Variants in HECTD4 observed in about 807,000 individuals in gnomAD.
HECTD4 encodes HECT domain E3 ubiquitin protein ligase 4.
In HECTD4, 114 loss-of-function variants were observed where a neutral mutation model predicts 471.5. The observed-to-expected ratio is 0.24, with a 90% CI of 0.21 to 0.28. The LOEUF (loss-of-function observed/expected upper bound fraction) is 0.28. Among genes scored for constraint, HECTD4 ranks in the 10% least tolerant of loss-of-function variants. The probability of loss-of-function intolerance (pLI) is 1.00; values close to 1 mark genes in which losing one functional copy is unlikely to be tolerated. For synonymous variants in HECTD4, 2,012 were observed against 2,256.0 expected, an observed-to-expected ratio of 0.89 and a Z score of 3.07; for missense variants, 3,866 against 5,651.5, an observed-to-expected ratio of 0.68 and a Z score of 10.13.
chr12:112,363,205 T>C (rs2036490540), intron 1 of HECTD4, among the ~76,000 whole-genome samples: 1 of 152,104 alleles, frequency 6.6e-6, no homozygotes, highest in Non-Finnish European at 1.5e-5. Flanking sequence ...ATATATAACA[T>C]GTAATATGTA....
At chr12:112,209,469 G>A (rs2032697637) in intron 50 of HECTD4, among the ~76,000 whole-genome samples, 1 of 152,006 alleles carries the variant, frequency 6.6e-6, no homozygotes, top group Non-Finnish European at 1.5e-5. Context: ...GGGGATTACA[G>A]GCACACGCCA....
At chr12:112,215,341 CTCAATT>C (rs894955579) in intron 48 of HECTD4, among the ~76,000 whole-genome samples, 1 of 152,168 alleles carries the variant, frequency 6.6e-6, no homozygotes, top group African/African-American at 2.4e-5. Context: ...TACTATGTAT[CTCAATT>C]TAAGTTCTAT....
At chr12:112,197,988 A>AC (rs1380575797) in intron 55 of HECTD4, among the ~76,000 whole-genome samples, 2 of 152,080 alleles carry the variant, frequency 1.3e-5, no homozygotes, top group Admixed American at 6.5e-5. Context: ...GGCACATGCC[A>AC]CCAGACCCGG....
intron 1 of HECTD4, among the ~76,000 whole-genome samples, chr12:112,338,243 A>G (rs560162470): frequency 1.4e-4 from 22 of 152,176 alleles, no homozygotes; most frequent in Non-Finnish European, 2.9e-4. Context: ...TTATGTAGAC[A>G]CTTATGATTC....
chr12:112,188,163 C>A lies in HECTD4; in HGVS notation c.9472+2623G>T, dbSNP rs1455100835. 6.6e-6 allele frequency among the ~76,000 whole-genome samples: 1 copy of A among 152,058 alleles called. No homozygotes were observed. Among genetic ancestry groups the A allele is most frequent in the Non-Finnish European group, 1.5e-5 (1 of 68,012 alleles). ...AATTAGCTGGGCATGGTAGCGGGCG[C>A]CTGTATTCCCAACTACTCAGGAGGC... On this transcript the variant is annotated intron_variant, in intron 60 of 75. Transcript: ENST00000682272. This position sits in a 1 kb window ranked among gnomAD's most constrained non-coding sequence, Gnocchi z 4.2.
chr12:112,306,262 T>C, intron 6 of HECTD4, 28 bp from the exon 7 acceptor site: 1 of 1,455,642 alleles, frequency 6.9e-7, no homozygotes, highest in Non-Finnish European at 9.1e-7. Context: ...GAAATCTCCA[T>C]TAGAGCCACA....
intron 1 of HECTD4, among the ~76,000 whole-genome samples, chr12:112,362,657 T>C (rs193152968): frequency 2.6e-5 from 4 of 152,270 alleles, no homozygotes; most frequent in South Asian, 2.1e-4. Flanking sequence ...GGGAGCGTTA[T>C]GTTAGCAAGG....
intron 44 of HECTD4, among the ~76,000 whole-genome samples, chr12:112,225,474 T>C (rs776518413): frequency 1.3e-5 from 2 of 152,100 alleles, no homozygotes; most frequent in Non-Finnish European, 2.9e-5. Flanking sequence ...AGTTATATCC[T>C]TGGGGACAAA....
intron 18 of HECTD4, among the ~76,000 whole-genome samples, chr12:112,260,221 C>A (rs2034112668): frequency 6.6e-6 from 1 of 152,126 alleles, no homozygotes; most frequent in Admixed American, 6.5e-5. Context: ...TCTTTAAAAT[C>A]ACATTCTTAA....
rs1832593011 is a variant in HECTD4 at position 112,164,246 on chromosome 12, C to T, written c.12564G>A (p.Leu4188=). 1 of 1,613,408 alleles carries T rather than the reference C, an allele frequency of 6.2e-7. No individual in the cohort carries two copies. The highest frequency in any genetic ancestry group is 1.3e-5 in the African/African-American group (1 of 74,922). Residue 4188 remains leucine, a synonymous_variant, in exon 73 of 76, where the codon CTG becomes CTA. Transcript: ENST00000682272. The part of the protein sequence containing the change: ...SINDETELEA[L]CAEIASQHLA... Reference sequence around the variant, plus strand: ...GGTGCTGGGAGGCGATCTCAGCGCACAGGGCCTCCAGCTCGGTCTCATCAT... The same window carrying T: ...GGTGCTGGGAGGCGATCTCAGCGCATAGGGCCTCCAGCTCGGTCTCATCAT...
At chr12:112,308,447 CA>C (rs886492353) in intron 6 of HECTD4, among the ~76,000 whole-genome samples, 1 of 119,204 alleles carries the variant, frequency 8.4e-6, no homozygotes, top group South Asian at 3.0e-4. Context: ...AAAAAAAAAA[CA>C]AAAACAAAAC....
intron 7 of HECTD4, among the ~76,000 whole-genome samples, chr12:112,296,324 T>C (rs1382450106): frequency 6.6e-6 from 1 of 150,970 alleles, no homozygotes; most frequent in Non-Finnish European, 1.5e-5. Flanking sequence ...GCAGAGGGTG[T>C]AGGTGCAGTG....
intron 21 of HECTD4, among the ~76,000 whole-genome samples, chr12:112,255,146 T>C (rs978965060): frequency 3.3e-5 from 5 of 152,162 alleles, no homozygotes; most frequent in South Asian, 2.1e-4. Context: ...TTAGCGCATA[T>C]TGGAAATGCA....
chr12:112,240,132 A>AT, intron 32 of HECTD4, 105 bp from the exon 33 acceptor site: 8 of 1,148,154 alleles, frequency 7.0e-6, no homozygotes, highest in South Asian at 1.5e-5. Flanking sequence ...ATGAATCCAG[A>AT]ACTGAAGGGA....
chr12:112,268,143 G>A (rs1433475189), intron 13 of HECTD4, among the ~76,000 whole-genome samples: 3 of 152,018 alleles, frequency 2.0e-5, no homozygotes, highest in Admixed American at 6.6e-5. Context: ...TTTTAATTGA[G>A]GTTTAACATT....
intron 1 of HECTD4, among the ~76,000 whole-genome samples, chr12:112,324,589 T>C (rs907456225): frequency 6.6e-6 from 1 of 152,116 alleles, no homozygotes; most frequent in Non-Finnish European, 1.5e-5. Context: ...TCAAGTTCCT[T>C]AAAAAATGAT....
intron 1 of HECTD4, among the ~76,000 whole-genome samples, chr12:112,324,174 G>C (rs1291739169): frequency 6.8e-6 from 1 of 146,440 alleles, no homozygotes; most frequent in Non-Finnish European, 1.5e-5. Context: ...GAGTACAGTG[G>C]TGCAATCTTA....
rs1344435774 is a variant in HECTD4 at position 112,217,093 on chromosome 12, C to T, written c.7177G>A (p.Ala2393Thr). Residue 2393 changes from alanine (A) to threonine (T), a missense_variant, in exon 46 of 76, where the codon GCT (alanine) becomes ACT (threonine). Ala to Thr is a moderately conservative substitution (Grantham distance 58). Transcript: ENST00000682272. ...TSVTFLADPS[A>T]GGGLPRGTFI... ...GTGCCCCGGGGCAGGCCTCCCCCAGCGCTGGGGTCAGCCAGGAAGGTGACT... is the reference window on the plus strand; with the variant it reads ...GTGCCCCGGGGCAGGCCTCCCCCAGTGCTGGGGTCAGCCAGGAAGGTGACT... The T allele has an allele frequency of 6.3e-6, 10 of 1,592,422 alleles. No homozygotes were observed. In the East Asian group the frequency reaches 1.3e-4, roughly 21 times the overall value.
intron 37 of HECTD4, 80 bp downstream of exon 37, chr12:112,234,997 T>C: frequency 7.7e-7 from 1 of 1,295,624 alleles, no homozygotes; most frequent in Non-Finnish European, 1.1e-6. Flanking sequence ...AGTCGATACA[T>C]GTACAGGGCT....
Sources: allele counts gnomAD v4.1 joint callset (sites outside exome capture counted in the v4.1 genomes callset), GRCh38; gene constraint gnomAD v4.1.1; non-coding constraint Gnocchi (gnomAD v3.1); transcripts MANE v1.5; gene names NCBI Gene and HGNC (gene_info 2026-07-23, HGNC 2026-07-21).